Variants in PCDH15 observed in about 807,000 individuals in gnomAD.
PCDH15 encodes the protein protocadherin-15.
PCDH15 carries 129 observed loss-of-function variants against 178.5 expected under a neutral mutation model. The observed-to-expected ratio is 0.72, with a 90% CI of 0.63 to 0.84. The LOEUF is 0.84. Ranked by LOEUF, PCDH15 falls within the 40% of genes least tolerant of loss-of-function variation. The pLI, the probability that PCDH15 is intolerant of heterozygous loss-of-function variation, is 0.00. For synonymous variants in PCDH15, 800 were observed against 732.0 expected (o/e 1.09, Z -1.50); for missense variants, 2,230 against 2,099.9 (o/e 1.06, Z -1.21).
chr10:54,094,998 G>A (rs562139556), intron 15 of PCDH15, among the ~76,000 whole-genome samples: 1 of 152,292 alleles, frequency 6.6e-6, no homozygotes, highest in Admixed American at 6.5e-5. Context: ...TCATGTTAAA[G>A]ATGAATACAG....
At chr10:54,927,193 C>G (rs1009061901) in intron 2 of PCDH15, among the ~76,000 whole-genome samples, 23 of 151,736 alleles carry the variant, frequency 1.5e-4, no homozygotes, top group African/African-American at 5.6e-4. Flanking sequence ...TATTATTTAC[C>G]CAGAAGTCAC....
At chr10:54,106,650 A>T (rs2136209005) in intron 15 of PCDH15, among the ~76,000 whole-genome samples, 1 of 152,328 alleles carries the variant, frequency 6.6e-6, no homozygotes, top group East Asian at 1.9e-4. Flanking sequence ...GTGGTATAGG[A>T]TTAGACAATT....
At chr10:54,810,990 A>T (rs1260567080) in intron 3 of PCDH15, among the ~76,000 whole-genome samples, 2 of 152,138 alleles carry the variant, frequency 1.3e-5, no homozygotes, top group Non-Finnish European at 2.9e-5. Flanking sequence ...AAGAGCAAAA[A>T]GTATCTGTAG....
chr10:54,103,630 C>T (rs897151799), intron 15 of PCDH15, among the ~76,000 whole-genome samples: 1 of 152,204 alleles, frequency 6.6e-6, no homozygotes, highest in Non-Finnish European at 1.5e-5. Context: ...CCATCCCAAA[C>T]TCCCTAAGCC....
chr10:55,592,554 C>G (rs1207689571), intron 2 of PCDH15, among the ~76,000 whole-genome samples: 1 of 152,150 alleles, frequency 6.6e-6, no homozygotes, highest in African/African-American at 2.4e-5. Flanking sequence ...CTGAGAGGTT[C>G]TAGACTATTC....
intron 10 of PCDH15, among the ~76,000 whole-genome samples, chr10:54,199,570 C>CAACAATAATAATAAT (rs142287657): frequency 0.025 from 3,595 of 142,462 alleles, 48 homozygotes; most frequent in Non-Finnish European, 0.036. Flanking sequence ...ACAACAACAA[C>CAACAATAATAATAAT]AATAATAATA....
intron 3 of PCDH15, among the ~76,000 whole-genome samples, chr10:54,455,376 T>C (rs2076748515): frequency 6.6e-6 from 1 of 152,128 alleles, no homozygotes; most frequent in African/African-American, 2.4e-5. Context: ...TGGGAAAGTT[T>C]AGAACTTCCT....
intron 14 of PCDH15, among the ~76,000 whole-genome samples, chr10:54,139,053 G>A (rs1190428623): frequency 6.6e-6 from 1 of 152,068 alleles, no homozygotes; most frequent in African/African-American, 2.4e-5. Flanking sequence ...AATGCCTTTA[G>A]AATTGTCAGC....
chr10:54,937,600 G>A (rs1837940075), intron 2 of PCDH15, among the ~76,000 whole-genome samples: 1 of 151,594 alleles, frequency 6.6e-6, no homozygotes, highest in Admixed American at 6.6e-5. Flanking sequence ...TTAATCACTT[G>A]GTTTAATTTT....
chr10:54,829,070 A>G (rs1026488693), intron 3 of PCDH15, among the ~76,000 whole-genome samples: 1 of 152,000 alleles, frequency 6.6e-6, no homozygotes, highest in African/African-American at 2.4e-5. Context: ...GGGAGAGGAA[A>G]TTAGGTTTCC....
intron 3 of PCDH15, among the ~76,000 whole-genome samples, chr10:54,822,450 T>C (rs1953060430): frequency 6.6e-6 from 1 of 152,182 alleles, no homozygotes; most frequent in Admixed American, 6.6e-5. Context: ...ATCATGTTAG[T>C]GCAAATGACA....
At chr10:55,104,343 C>T (rs1045588971) in intron 2 of PCDH15, among the ~76,000 whole-genome samples, 1 of 152,130 alleles carries the variant, frequency 6.6e-6, no homozygotes, top group African/African-American at 2.4e-5. Flanking sequence ...GTTATCTTGA[C>T]ATTTCTTTAA....
At chr10:54,853,289 G>GTGTATA (rs1249570811) in intron 3 of PCDH15, among the ~76,000 whole-genome samples, 119 of 102,538 alleles carry the variant, frequency 1.2e-3, no homozygotes, top group Non-Finnish European at 1.7e-3. Context: ...ATGTATGTGT[G>GTGTATA]TATATATATA....
chr10:54,999,192 G>A (rs1365006005), intron 2 of PCDH15, among the ~76,000 whole-genome samples: 1 of 151,974 alleles, frequency 6.6e-6, no homozygotes, highest in African/African-American at 2.4e-5. Flanking sequence ...CCTTTGTCAA[G>A]CCTCCCAAAA....
intron 2 of PCDH15, among the ~76,000 whole-genome samples, chr10:55,340,945 AC>A (rs1160579231): frequency 6.6e-6 from 1 of 151,950 alleles, no homozygotes; most frequent in Non-Finnish European, 1.5e-5. Context: ...TTGTCAAAAT[AC>A]CCCAGGATTC....
chr10:55,197,654 T>C (rs1840130958), intron 1 of PCDH15, among the ~76,000 whole-genome samples: 1 of 152,018 alleles, frequency 6.6e-6, no homozygotes, highest in Admixed American at 6.5e-5. Flanking sequence ...CAGGTGGAAA[T>C]AACAAATATT....
At chr10:53,936,902 G>C (rs1402450450) in intron 25 of PCDH15, among the ~76,000 whole-genome samples, 1 of 152,016 alleles carries the variant, frequency 6.6e-6, no homozygotes, top group African/African-American at 2.4e-5. Context: ...ATAACTAATG[G>C]GCTGGGGATT....
chr10:55,152,865 T>C (rs1039280860), intron 2 of PCDH15, among the ~76,000 whole-genome samples: 2 of 152,164 alleles, frequency 1.3e-5, no homozygotes, highest in African/African-American at 4.8e-5. Context: ...GTTGTGATTA[T>C]GTGTATGGAC....
chr10:55,347,565 C>T (rs1264900820), intron 2 of PCDH15, among the ~76,000 whole-genome samples: 2 of 152,094 alleles, frequency 1.3e-5, no homozygotes, highest in Non-Finnish European at 2.9e-5. Flanking sequence ...TACACATGTA[C>T]TTCAGCAATA....
Sources: allele counts gnomAD v4.1 joint callset (sites outside exome capture counted in the v4.1 genomes callset), GRCh38; gene constraint gnomAD v4.1.1; transcripts MANE v1.5; gene names NCBI Gene and HGNC (gene_info 2026-07-23, HGNC 2026-07-21).